EPM2A: variants seen among roughly 807,000 people sequenced by gnomAD.
The protein encoded by EPM2A is laforin.
In EPM2A, 21 loss-of-function variants were observed where a neutral mutation model predicts 26.5. That is an observed-to-expected ratio of 0.79 (90% CI 0.56 to 1.14). The LOEUF (loss-of-function observed/expected upper bound fraction) is 1.14. EPM2A is among the 50% of genes most tolerant of loss of function. The pLI, the probability that EPM2A is intolerant of heterozygous loss-of-function variation, is 0.00. For missense variants in EPM2A, 458 were observed against 440.8 expected (o/e 1.04, Z -0.35); for synonymous variants, 217 against 177.6 (o/e 1.22, Z -1.76).
intron 4 of EPM2A, among the ~76,000 whole-genome samples, chr6:145,429,090 T>C (rs1042664172): frequency 7.2e-5 from 11 of 152,334 alleles, no homozygotes; most frequent in African/African-American, 2.4e-4. Context: ...TTCTCAAATA[T>C]TGTAGACATG....
chr6:145,673,921 G>C (rs561648322), intron 2 of EPM2A, among the ~76,000 whole-genome samples: 2 of 152,298 alleles, frequency 1.3e-5, no homozygotes, highest in South Asian at 4.1e-4. Context: ...TCTGAAGAGA[G>C]CAGTGGTTCT....
At chr6:145,678,158 G>A (rs1359770657) in intron 2 of EPM2A, among the ~76,000 whole-genome samples, 3 of 152,182 alleles carry the variant, frequency 2.0e-5, no homozygotes, top group Non-Finnish European at 4.4e-5. Context: ...TGACAAACCT[G>A]ACAAAAGCAA....
intron 2 of EPM2A, among the ~76,000 whole-genome samples, chr6:145,506,502 T>C (rs1025815686): frequency 5.9e-5 from 9 of 152,112 alleles, no homozygotes; most frequent in Non-Finnish European, 1.0e-4. Flanking sequence ...AATTATTGTA[T>C]ATACACAAGA....
intron 2 of EPM2A, among the ~76,000 whole-genome samples, chr6:145,518,216 T>A (rs1459845545): frequency 6.6e-6 from 1 of 152,156 alleles, no homozygotes; most frequent in East Asian, 1.9e-4. Flanking sequence ...TTACTTACAC[T>A]AGAAGTTTTT....
chr6:145,476,093 T>C (rs111700156), intron 4 of EPM2A, among the ~76,000 whole-genome samples: 10 of 152,166 alleles, frequency 6.6e-5, no homozygotes, highest in Middle Eastern at 3.4e-3. Flanking sequence ...CCCATGCCAA[T>C]TGAAACCAAA....
chr6:145,470,557 T>A (rs895546771), intron 4 of EPM2A, among the ~76,000 whole-genome samples: 10 of 152,188 alleles, frequency 6.6e-5, no homozygotes, highest in African/African-American at 2.4e-4. Flanking sequence ...CACTTTTGAC[T>A]GTGTCTAGTT....
At chr6:145,497,732 C>T (rs531685620), downstream of EPM2A, among the ~76,000 whole-genome samples, 10 of 152,368 alleles carry the variant, frequency 6.6e-5, no homozygotes, top group African/African-American at 1.2e-4. Flanking sequence ...CAGAGAACAT[C>T]GACCCAACTG....
chr6:145,538,479 G>C (rs542638003), intron 2 of EPM2A, among the ~76,000 whole-genome samples: 1 of 152,278 alleles, frequency 6.6e-6, no homozygotes, highest in Admixed American at 6.5e-5. Context: ...TCTCCCTCTT[G>C]CTTCTTAGAG....
intron 4 of EPM2A, among the ~76,000 whole-genome samples, chr6:145,437,370 C>A (rs968765014): frequency 5.3e-5 from 8 of 152,126 alleles, no homozygotes; most frequent in African/African-American, 1.9e-4. Context: ...ATAAATTACC[C>A]AGTCTCATGG....
At chr6:145,502,843 G>C (rs145655864) in intron 2 of EPM2A, among the ~76,000 whole-genome samples, 1 of 152,184 alleles carries the variant, frequency 6.6e-6, no homozygotes, top group Non-Finnish European at 1.5e-5. Context: ...GGAATCTTAA[G>C]GCTTTCACTG....
At chr6:145,552,462 T>C (rs932696400) in intron 2 of EPM2A, among the ~76,000 whole-genome samples, 2 of 152,016 alleles carry the variant, frequency 1.3e-5, no homozygotes, top group African/African-American at 2.4e-5. Context: ...AAAATCACCG[T>C]CAGCCTAGAT....
intron 1 of EPM2A, among the ~76,000 whole-genome samples, chr6:145,692,804 T>G (rs932877602): frequency 1.3e-5 from 2 of 152,144 alleles, no homozygotes; most frequent in Admixed American, 6.5e-5. Context: ...ACCATACTGT[T>G]TTGGTTACAA....
intron 1 of EPM2A, among the ~76,000 whole-genome samples, chr6:145,728,570 G>A (rs1161349347): frequency 1.3e-5 from 2 of 152,210 alleles, no homozygotes; most frequent in Non-Finnish European, 2.9e-5. Flanking sequence ...AGGGTATCTG[G>A]TGGAAGAAAT....
At chr6:145,733,782 A>T (rs1310318368) in intron 1 of EPM2A, among the ~76,000 whole-genome samples, 8 of 152,236 alleles carry the variant, frequency 5.3e-5, no homozygotes, top group Non-Finnish European at 8.8e-5. Context: ...GAGAACAAGG[A>T]TAATATATAA....
chr6:145,471,643 T>C (rs1282054492), intron 4 of EPM2A, among the ~76,000 whole-genome samples: 1 of 152,276 alleles, frequency 6.6e-6, no homozygotes, highest in East Asian at 1.9e-4. Context: ...TCTGAGGCAC[T>C]GAACTGGACA....
chr6:145,498,198 C>T (rs1415727048), downstream of EPM2A, among the ~76,000 whole-genome samples: 1 of 152,196 alleles, frequency 6.6e-6, no homozygotes, highest in East Asian at 1.9e-4. Flanking sequence ...CCCACCCCTC[C>T]CGTCAGGAAC....
chr6:145,446,258 A>G (rs998243855), intron 4 of EPM2A, among the ~76,000 whole-genome samples: 1 of 152,224 alleles, frequency 6.6e-6, no homozygotes, highest in African/African-American at 2.4e-5. Flanking sequence ...AATATGTTCT[A>G]TGCCACCAAG....
At chr6:145,520,945 G>A (rs1213720955) in intron 2 of EPM2A, among the ~76,000 whole-genome samples, 4 of 152,110 alleles carry the variant, frequency 2.6e-5, no homozygotes. Context: ...CAAAAGTGAT[G>A]GTAAAAGAGA....
At chr6:145,569,318 T>C (rs1780925526) in intron 2 of EPM2A, among the ~76,000 whole-genome samples, 1 of 152,210 alleles carries the variant, frequency 6.6e-6, no homozygotes, top group African/African-American at 2.4e-5. Context: ...GGGGTACAAT[T>C]ACTCACGAGA....
Sources: allele counts gnomAD v4.1 joint callset (sites outside exome capture counted in the v4.1 genomes callset), GRCh38; gene constraint gnomAD v4.1.1; transcripts MANE v1.5; gene names NCBI Gene and HGNC (gene_info 2026-07-23, HGNC 2026-07-21).